UBR1: variants seen among roughly 807,000 people sequenced by gnomAD.
UBR1 encodes ubiquitin protein ligase E3 component n-recognin 1.
Under a neutral mutation model 242.1 loss-of-function variants are expected in UBR1, and 102 were observed. The observed-to-expected ratio is 0.42, with a 90% CI of 0.36 to 0.50. The LOEUF is 0.50. Ranked by LOEUF, UBR1 falls within the 20% of genes least tolerant of loss-of-function variation. The pLI is 0.01. For missense variants in UBR1, 1,772 were observed against 2,101.8 expected (o/e 0.84, Z 3.07); for synonymous variants, 675 against 684.8 (o/e 0.99, Z 0.22).
At chr15:43,075,406 G>A (rs902473279) in intron 3 of UBR1, among the ~76,000 whole-genome samples, 1 of 152,062 alleles carries the variant, frequency 6.6e-6, no homozygotes, top group Non-Finnish European at 1.5e-5. Flanking sequence ...AGATTGCAAA[G>A]TGTGCGAAAA....
chr15:43,105,977 C>G lies in UBR1; in HGVS notation c.46G>C (p.Ala16Pro), dbSNP rs772637882. The change falls in exon 1 of 47, where the codon GCG becomes CCG. Residue 16 changes from alanine (A) to proline (P), a missense_variant. By Grantham distance (27) the Ala-to-Pro change is conservative. Coordinates refer to ENST00000290650, the MANE Select transcript of UBR1 (RefSeq NM_174916.3). Reference sequence around the variant, plus strand: ...CGCTGAGGGGTCTGGGGTAACTCCGCGCTGATTTCCATCCTCTCAGTACCT... The same window carrying G: ...CGCTGAGGGGTCTGGGGTAACTCCGGGCTGATTTCCATCCTCTCAGTACCT... ...AGGTERMEIS[A>P]ELPQTPQRLA... 4.3e-6 allele frequency: 7 copies of G among 1,613,912 alleles called. No homozygotes were observed. In the East Asian group the frequency reaches 1.1e-4, roughly 26 times the overall value.
chr15:43,022,939 T>C, intron 25 of UBR1, 138 bp from the exon 26 acceptor site: 8 of 556,708 alleles, frequency 1.4e-5, no homozygotes, highest in Admixed American at 8.3e-5. Flanking sequence ...CCTAGCTTAC[T>C]GCAGCCTTAA....
At chr15:43,091,243 T>C (rs1056403211) in intron 1 of UBR1, among the ~76,000 whole-genome samples, 1 of 152,118 alleles carries the variant, frequency 6.6e-6, no homozygotes. Context: ...TGGCCAAATA[T>C]ACAGTTTTAA....
chr15:43,009,926 A>G (rs1456406005), intron 29 of UBR1, among the ~76,000 whole-genome samples: 1 of 152,222 alleles, frequency 6.6e-6, no homozygotes, highest in Non-Finnish European at 1.5e-5. Flanking sequence ...GCTGGAGTGC[A>G]GTGGCGCGAT....
chr15:43,081,417 C>CAAAAAAAAAAAAAAAACAAAAAAAAAA (rs2033973059), intron 3 of UBR1, among the ~76,000 whole-genome samples: 1 of 69,708 alleles, frequency 1.4e-5, no homozygotes. Context: ...CACCCCATCT[C>CAAAAAAAAAAAAAAAACAAAAAAAAAA]AAAAAAAAAA....
At chr15:43,034,237 A>AAAATAAATAAATAAAT (rs35184791) in intron 19 of UBR1, among the ~76,000 whole-genome samples, 12 of 110,920 alleles carry the variant, frequency 1.1e-4, no homozygotes, top group African/African-American at 3.5e-4. Flanking sequence ...CTCCATCTCA[A>AAAATAAATAAATAAAT]AAATAAATAA....
At position 42,976,847 on chromosome 15, in the gene UBR1, G is replaced by C. The variant is rs760880459; in HGVS notation, c.4239C>G (p.Phe1413Leu). 2 of 1,613,786 alleles carry C rather than the reference G, an allele frequency of 1.2e-6. No individual in the cohort carries two copies. Among genetic ancestry groups the C allele is most frequent in the East Asian group, 2.2e-5 (1 of 44,870 alleles). ...CAGGGTCATCCCAATACAAGGATGG[G>C]AATGCTAACACAGCACCCACCTATG... ...FHVLVGAVLA[F>L]PSLYWDDPVD... Residue 1413 changes from phenylalanine (F) to leucine (L), a missense_variant, in exon 39 of 47, where the codon TTC (phenylalanine) becomes TTG (leucine). Physicochemically the swap from Phe to Leu is conservative, Grantham distance 22. Coordinates refer to ENST00000290650, the MANE Select transcript of UBR1 (RefSeq NM_174916.3).
chr15:43,080,437 T>C (rs941076658), intron 3 of UBR1, among the ~76,000 whole-genome samples: 1 of 152,194 alleles, frequency 6.6e-6, no homozygotes. Context: ...TTCCAAAATG[T>C]CATACAGTTG....
intron 25 of UBR1, among the ~76,000 whole-genome samples, chr15:43,023,318 C>G (rs1408645334): frequency 6.6e-6 from 1 of 151,970 alleles, no homozygotes; most frequent in East Asian, 1.9e-4. Context: ...TGGCCCGGAG[C>G]TGGTGGCTCA....
chr15:42,966,326 C>T, intron 40 of UBR1, 40 bp from the exon 41 acceptor site: 1 of 1,612,442 alleles, frequency 6.2e-7, no homozygotes, highest in Non-Finnish European at 8.5e-7. Flanking sequence ...GAATACATAT[C>T]AGACTAAAGC....
chr15:43,011,795 G>A, intron 29 of UBR1: 2 of 348,022 alleles, frequency 5.7e-6, no homozygotes, highest in Admixed American at 6.4e-5. Flanking sequence ...GTTCCACAAG[G>A]AGACACATAC....
rs16957392 is a variant in UBR1 at position 43,074,013 on chromosome 15, T to C, written c.528+966A>G. Among the ~76,000 whole-genome samples, 1,325 of 152,348 alleles carry C rather than the reference T, an allele frequency of 8.7e-3. 24 individuals are homozygous for C. The highest frequency in any genetic ancestry group is 0.03 in the African/African-American group (1,245 of 41,580). ...AATTCATCTGTAAAACTTCTGAACA[T>C]GGCATTCTGGGGCAAGTACTTTCTT... On this transcript the variant is annotated intron_variant, in intron 4 of 46. Coordinates refer to ENST00000290650, the MANE Select transcript of UBR1 (RefSeq NM_174916.3).
Position 42,982,481 on chromosome 15 carries a change from T to C in UBR1, c.4150+1416A>G, listed in dbSNP as rs529174638. Among the ~76,000 whole-genome samples the C allele has an allele frequency of 7.2e-5, 11 of 152,284 alleles. No homozygotes were observed. The East Asian group carries it at 2.1e-3, about 29-fold the overall frequency. On this transcript the variant is annotated intron_variant, in intron 37 of 46. Coordinates refer to ENST00000290650, the MANE Select transcript of UBR1 (RefSeq NM_174916.3). ...TGTGACTAGTGGAACAGCATCAACA[T>C]TAGATTTCTATTAGCATGAAGCCAA... is the stretch of plus-strand genomic sequence containing the variant.
intron 4 of UBR1, among the ~76,000 whole-genome samples, chr15:43,073,018 G>A (rs546129979): frequency 3.9e-5 from 6 of 152,006 alleles, no homozygotes; most frequent in Admixed American, 1.3e-4. Flanking sequence ...AAAATTAGCC[G>A]GATGTGGTGC....
At position 43,005,767 on chromosome 15, in the gene UBR1, G is replaced by A. The variant is rs541670029; in HGVS notation, c.3415+1312C>T. ...AAGAAAAATTCTTCTGCCTTGGGAT[G>A]CTGTTAATCTATAACCTTACCCCCA... is the stretch of plus-strand genomic sequence containing the variant. On this transcript the variant is annotated intron_variant, in intron 30 of 46. Transcript: ENST00000290650. Among the ~76,000 whole-genome samples the A allele has an allele frequency of 3.4e-3, 520 of 152,000 alleles. 2 individuals carry two copies. The highest frequency in any genetic ancestry group is 0.012 in the African/African-American group (495 of 41,456).
intron 1 of UBR1, among the ~76,000 whole-genome samples, chr15:43,100,021 G>A (rs182374509): frequency 2.0e-5 from 3 of 152,068 alleles, no homozygotes; most frequent in East Asian, 1.9e-4. Context: ...GACTACAGGC[G>A]CCCGCCATCA....
chr15:42,987,101 C>T (rs766832610), intron 35 of UBR1, among the ~76,000 whole-genome samples: 3 of 152,232 alleles, frequency 2.0e-5, no homozygotes, highest in Non-Finnish European at 4.4e-5. Context: ...GATGTCCAAC[C>T]GCAGTCTGGC....
intron 30 of UBR1, among the ~76,000 whole-genome samples, chr15:43,006,289 C>A (rs1359862992): frequency 6.6e-6 from 1 of 152,058 alleles, no homozygotes; most frequent in Non-Finnish European, 1.5e-5. Flanking sequence ...TAAGTAAATA[C>A]ACATAAAGCA....
chr15:43,022,703 T>C lies in UBR1; in HGVS notation c.2838A>G (p.Ser946=). The change falls in exon 26 of 47, where the codon TCA becomes TCG. Residue 946 remains serine, a splice_region_variant and synonymous_variant. Transcript: ENST00000290650. ...TTGAAGAGTGATACTCAAACATACTTGAAGCCTTATGATAAAAGTCAAATG... is the reference window on the plus strand; with the variant it reads ...TTGAAGAGTGATACTCAAACATACTCGAAGCCTTATGATAAAAGTCAAATG... ...EVTFDFYHKA[S]RLGSSAMNIQ... is the part of the protein sequence containing the mutation. 6.2e-7 allele frequency: 1 copy of C among 1,603,984 alleles called. No homozygotes were observed. Among genetic ancestry groups the C allele is most frequent in the Non-Finnish European group, 8.5e-7 (1 of 1,171,882 alleles).
Sources: gnomAD v4.1 joint callset for allele counts (sites outside exome capture counted in the v4.1 genomes callset) on GRCh38, gnomAD v4.1.1 for gene constraint, MANE v1.5 for transcripts, NCBI Gene and HGNC (gene_info 2026-07-23, HGNC 2026-07-21) for gene names.